RBM44: variants seen among roughly 807,000 people sequenced by gnomAD.
The protein encoded by RBM44 is RNA-binding protein 44.
A neutral mutation model predicts 105.1 loss-of-function variants in RBM44; 66 were observed. The observed-to-expected ratio is 0.63, with a 90% CI of 0.52 to 0.77. The LOEUF is 0.77. Among genes scored for constraint, RBM44 ranks in the 30% least tolerant of loss-of-function variants. The pLI, the probability that RBM44 is intolerant of heterozygous loss-of-function variation, is 0.00. For missense variants in RBM44, 1,122 were observed against 1,207.8 expected, an observed-to-expected ratio of 0.93 and a Z score of 1.05; for synonymous variants, 365 against 417.6, an observed-to-expected ratio of 0.87 and a Z score of 1.54.
chr2:237,799,463 T>C (rs1415440839), intron 1 of RBM44: 1 of 152,234 alleles, frequency 6.6e-6, no homozygotes, highest in Non-Finnish European at 1.5e-5. Flanking sequence ...GGCCTGACTT[T>C]TTGCATTTTT....
At position 237,817,381 on chromosome 2, in the gene RBM44, T is replaced by A. The variant is rs1329500507; in HGVS notation, c.462T>A (p.Thr154=). ...FFNILEHQDK[T]VGLERIYNIS... ...ATATTTTGGAACATCAAGATAAGAC[T>A]GTTGGCTTGGAAAGAATCTACAATA... The change falls in exon 3 of 16, where the codon ACT becomes ACA. Residue 154 remains threonine, a synonymous_variant. Transcript: ENST00000316997. The A allele has an allele frequency of 3.1e-6, 5 of 1,604,042 alleles. No individual in the cohort carries two copies. The Admixed American group carries it at 5.2e-5, about 17-fold the overall frequency.
At chr2:237,810,656 T>C (rs1433855441) in intron 1 of RBM44, among the ~76,000 whole-genome samples, 3 of 152,198 alleles carry the variant, frequency 2.0e-5, no homozygotes, top group Non-Finnish European at 4.4e-5. Context: ...AGAAGAGCTC[T>C]CGAGTCTGCC....
rs1380709754 is a variant in RBM44 at position 237,842,354 on chromosome 2, G to A, written c.*538G>A. 6.6e-6 allele frequency: 1 copy of A among 152,030 alleles called. No homozygotes were observed. The highest frequency in any genetic ancestry group is 1.9e-4 in the East Asian group (1 of 5,204). 9.4% of individuals were successfully genotyped at this position (152,030 alleles called of 1,614,324 possible). ...CATTTTGGAATGTGTATGCTTTCAG[G>A]CTTCCAAGATAATTAAATTACTGTC... is the stretch of plus-strand genomic sequence containing the variant. On this transcript the variant is annotated 3_prime_UTR_variant, in exon 16 of 16. Transcript: ENST00000316997.
chr2:237,818,067 C>T lies in RBM44; in HGVS notation c.1148C>T (p.Ser383Phe). 1 of 1,612,934 alleles carries T rather than the reference C, an allele frequency of 6.2e-7. No individual in the cohort carries two copies. Among genetic ancestry groups the T allele is most frequent in the Non-Finnish European group, 8.5e-7 (1 of 1,179,436 alleles). The change falls in exon 3 of 16, where the codon TCT (serine) becomes TTT (phenylalanine). Residue 383 changes from serine (S) to phenylalanine (F), a missense_variant. By Grantham distance (155) the Ser-to-Phe change is radical. This residue lies in a region of RBM44 where 918 missense variants were observed against 955.3 expected (regional missense o/e 0.96). Transcript: ENST00000316997. This position sits in a 1 kb window ranked among gnomAD's most constrained non-coding sequence, Gnocchi z 4.6. ...PCKDCQTSWT[S>F]VFDDSIISAC... Reference sequence around the variant, plus strand: ...AAAGATTGTCAAACTTCCTGGACCTCTGTTTTTGATGATTCGATAATTTCT... The same window carrying T: ...AAAGATTGTCAAACTTCCTGGACCTTTGTTTTTGATGATTCGATAATTTCT...
rs1032866359 is a variant in RBM44, at chr2:237,818,698, G to A, written c.1677+102G>A. ...CGTTGAATTAAGGCTTTTGTGAGAAGATGCTAGATGAGGGGAGTAAATTAA... is the reference window on the plus strand; with the variant it reads ...CGTTGAATTAAGGCTTTTGTGAGAAAATGCTAGATGAGGGGAGTAAATTAA... On this transcript the variant is annotated intron_variant, in intron 3 of 15. Transcript: ENST00000316997. This position sits in a 1 kb window ranked among gnomAD's most constrained non-coding sequence, Gnocchi z 4.6. 40 of 780,064 alleles carry A rather than the reference G, an allele frequency of 5.1e-5. No homozygotes were observed. The African/African-American group carries it at 6.4e-4, about 12-fold the overall frequency. 48.3% of individuals were successfully genotyped at this position (780,064 alleles called of 1,614,324 possible).
chr2:237,842,577 T>A lies in RBM44; in HGVS notation c.*761T>A, dbSNP rs1042809705. The A allele has an allele frequency of 2.2e-4, 33 of 152,150 alleles. No homozygotes were observed. The highest frequency in any genetic ancestry group is 7.2e-4 in the African/African-American group (30 of 41,474). 9.4% of individuals were successfully genotyped at this position (152,150 alleles called of 1,614,324 possible). ...TCAAAGGCTGATTTTATGCCTTATC[T>A]GATAGAAATATAGAATAGATAGTTC... On this transcript the variant is annotated 3_prime_UTR_variant, in exon 16 of 16. Coordinates refer to ENST00000316997, the MANE Select transcript of RBM44 (RefSeq NM_001080504.3).
intron 15 of RBM44, 135 bp downstream of exon 15, chr2:237,834,558 A>G (rs2061937821): frequency 2.3e-6 from 1 of 431,756 alleles, no homozygotes; most frequent in African/African-American, 2.1e-5. Flanking sequence ...AAATTTTAAA[A>G]CAAGCATACT....
chr2:237,838,237 G>C (rs1198819), intron 15 of RBM44, among the ~76,000 whole-genome samples: 4 of 151,904 alleles, frequency 2.6e-5, no homozygotes. Flanking sequence ...CAGCTGACTC[G>C]CAACAGAAGT....
rs564402463 is a variant in RBM44, at chr2:237,802,423, G to T, written c.-19+3562G>T. Among the ~76,000 whole-genome samples the T allele has an allele frequency of 4.7e-4, 71 of 152,268 alleles. 1 individual carries two copies. The East Asian group carries it at 0.012, about 26-fold the overall frequency. On this transcript the variant is annotated intron_variant, in intron 1 of 15. Transcript: ENST00000316997. ...GATGATCTGAGGTGGAACAGTTTCA[G>T]CTTGAAGCCACTACCCTACCTCCAA...
In RBM44 at chr2:237,842,481, T is replaced by G. The variant is rs537081134; in HGVS notation, c.*665T>G. 21 of 152,256 alleles carry G rather than the reference T, an allele frequency of 1.4e-4. No individual in the cohort carries two copies. The highest frequency in any genetic ancestry group is 3.4e-3 in the Middle Eastern group (1 of 294). 9.4% of individuals were successfully genotyped at this position (152,256 alleles called of 1,614,324 possible). A position where few individuals can be genotyped will look rare whatever the true frequency, so the allele number is the denominator to read the frequency against. ...CTTGTATGTGCTTTGGTAAAGTACT[T>G]AAATTCCAATGTTCCCTATAGTGCT... On this transcript the variant is annotated 3_prime_UTR_variant, in exon 16 of 16. Transcript: ENST00000316997.
intron 13 of RBM44, 86 bp downstream of exon 13, chr2:237,829,588 C>T (rs1030047790): frequency 2.5e-6 from 3 of 1,191,214 alleles, no homozygotes; most frequent in African/African-American, 1.5e-5. Flanking sequence ...CTTCAATATG[C>T]AGTCTTGAAA....
intron 12 of RBM44, 140 bp from the exon 13 acceptor site, chr2:237,829,077 C>T: frequency 5.4e-6 from 3 of 556,578 alleles, no homozygotes; most frequent in South Asian, 5.9e-5. Flanking sequence ...TTCTTAATCC[C>T]AAGGTAAGTA....
intron 12 of RBM44, among the ~76,000 whole-genome samples, chr2:237,828,181 TTAAA>T (rs1321549090): frequency 1.3e-5 from 2 of 152,188 alleles, no homozygotes; most frequent in Non-Finnish European, 2.9e-5. Flanking sequence ...TTCAAAAGTA[TTAAA>T]TAACAATGGC....
chr2:237,799,107 C>T (rs2061517611), intron 1 of RBM44: 1 of 152,144 alleles, frequency 6.6e-6, no homozygotes, highest in Non-Finnish European at 1.5e-5. Context: ...GCGCCGACAC[C>T]GCAAAAGTCG....
rs2061737669 is a variant in RBM44 at position 237,817,871 on chromosome 2, C to A, written c.952C>A (p.Pro318Thr). The change falls in exon 3 of 16, where the codon CCT (proline) becomes ACT (threonine). Residue 318 changes from proline to threonine, a missense_variant. Around this residue, in one of 3 missense-constraint regions of RBM44, gnomAD observed 918 missense variants for 955.3 expected, o/e 0.96. Coordinates refer to ENST00000316997, the MANE Select transcript of RBM44 (RefSeq NM_001080504.3). ...TCAATCTAAGAGTGGTTCCTTGAGC[C>A]CTCAAAAAGTATTAAAAATGAAAAT... Reference protein sequence around the residue: ...ESQSKSGSLSPQKVLKMKIYT... With the variant: ...ESQSKSGSLSTQKVLKMKIYT... 1.2e-6 allele frequency: 2 copies of A among 1,605,204 alleles called. No individual in the cohort carries two copies. The highest frequency in any genetic ancestry group is 4.5e-5 in the East Asian group (2 of 44,792).
chr2:237,836,552 C>T (rs1313541458), intron 15 of RBM44, among the ~76,000 whole-genome samples: 5 of 152,176 alleles, frequency 3.3e-5, no homozygotes, highest in East Asian at 3.9e-4. Flanking sequence ...GAGGCCGAGG[C>T]GGGTGGATCA....
intron 15 of RBM44, among the ~76,000 whole-genome samples, chr2:237,840,187 CAAAAA>C (rs34666443): frequency 3.1e-5 from 2 of 64,910 alleles, no homozygotes; most frequent in Non-Finnish European, 5.7e-5. Flanking sequence ...GACTCTATCT[CAAAAA>C]AAAAAAAAAA....
chr2:237,823,500 T>C lies in RBM44; in HGVS notation c.2266T>C (p.Phe756Leu), dbSNP rs1296978595. ...AAACATATCACCCAAGAAAGATGACTTTAAAAATGGTGATATAAATGCAGA... is the reference window on the plus strand; with the variant it reads ...AAACATATCACCCAAGAAAGATGACCTTAAAAATGGTGATATAAATGCAGA... ...TQNISPKKDDFKNGDINADFS... is the reference protein window; with the variant it reads ...TQNISPKKDDLKNGDINADFS... Residue 756 changes from phenylalanine to leucine, a missense_variant, in exon 9 of 16, where the codon TTT becomes CTT. Coordinates refer to ENST00000316997, the MANE Select transcript of RBM44 (RefSeq NM_001080504.3). 6 of 1,544,136 alleles carry C rather than the reference T, an allele frequency of 3.9e-6. No homozygotes were observed. Among genetic ancestry groups the C allele is most frequent in the Non-Finnish European group, 5.3e-6 (6 of 1,138,648 alleles).
intron 15 of RBM44, among the ~76,000 whole-genome samples, chr2:237,839,881 A>G (rs1011331132): frequency 2.6e-5 from 4 of 152,158 alleles, no homozygotes; most frequent in African/African-American, 7.2e-5. Flanking sequence ...TATAAATCAT[A>G]TATCTGATAA....
Sources: gnomAD v4.1 joint callset for allele counts (sites outside exome capture counted in the v4.1 genomes callset) on GRCh38, gnomAD v4.1.1 for gene constraint, gnomAD v4.1.1 regional missense constraint, Gnocchi (gnomAD v3.1) non-coding constraint, MANE v1.5 for transcripts, NCBI Gene and HGNC (gene_info 2026-07-23, HGNC 2026-07-21) for gene names.